PCNX2: variants seen among roughly 807,000 people sequenced by gnomAD.
The protein encoded by PCNX2 is pecanex-like protein 2.
Under a neutral mutation model 223.8 loss-of-function variants are expected in PCNX2, and 168 were observed. That is an observed-to-expected ratio of 0.75 (90% CI 0.66 to 0.85). The LOEUF is 0.85. Among genes scored for constraint, PCNX2 ranks in the 40% least tolerant of loss-of-function variants. PCNX2 has a pLI of 0.00. For synonymous variants in PCNX2, 1,006 were observed against 1,052.6 expected, an observed-to-expected ratio of 0.96 and a Z score of 0.86; for missense variants, 2,507 against 2,675.5, an observed-to-expected ratio of 0.94 and a Z score of 1.39.
intron 12 of PCNX2, among the ~76,000 whole-genome samples, chr1:233,216,865 A>T (rs1008172481): frequency 6.6e-6 from 1 of 152,200 alleles, no homozygotes; most frequent in African/African-American, 2.4e-5. Context: ...TATAATAGGA[A>T]TATCATTCAG....
intron 21 of PCNX2, among the ~76,000 whole-genome samples, chr1:233,101,270 C>T (rs894661587): frequency 2.0e-5 from 3 of 152,202 alleles, no homozygotes; most frequent in Admixed American, 1.3e-4. Context: ...AAGCTAGTGA[C>T]ATCTCAAATG....
rs534529852 is a variant in PCNX2, at chr1:233,004,880, C to T, written c.4953-3199G>A. ...AGCCAGGGGCTGGTCAGGTGGGGTT[C>T]GGGGTGCTGTGGCCTAGAGGAGCCT... On this transcript the variant is annotated intron_variant, in intron 28 of 33. Coordinates refer to ENST00000258229, the MANE Select transcript of PCNX2 (RefSeq NM_014801.4). Among the ~76,000 whole-genome samples, 6 of 152,220 alleles carry T rather than the reference C, an allele frequency of 3.9e-5. No individual in the cohort carries two copies. The South Asian group carries it at 1.0e-3, about 26-fold the overall frequency.
At chr1:233,290,952 G>A (rs1661727245) in intron 1 of PCNX2, 1 of 985,406 alleles carries the variant, frequency 1.0e-6, no homozygotes, top group Non-Finnish European at 1.2e-6. Flanking sequence ...TGAAGGATGT[G>A]AAAGTTCCAA....
chr1:233,269,067 A>G (rs60713296), intron 1 of PCNX2, among the ~76,000 whole-genome samples: 6,881 of 152,314 alleles, frequency 0.045, 520 homozygotes, highest in African/African-American at 0.16. Flanking sequence ...GCAGATATTA[A>G]TATCAGTCAC....
At chr1:232,992,530 G>C (rs2102784095) in intron 32 of PCNX2, among the ~76,000 whole-genome samples, 1 of 152,318 alleles carries the variant, frequency 6.6e-6, no homozygotes, top group Non-Finnish European at 1.5e-5. Flanking sequence ...CCAGGGCTGG[G>C]GACAAGGACA....
In PCNX2 at chr1:233,230,535, G is replaced by A. The variant is rs143032005; in HGVS notation, c.2359-3164C>T. ...GCCTGGCATGCATGAGGGCAGTGCA[G>A]CTGCTTCATTAAATGCCACTGCAGA... On this transcript the variant is annotated intron_variant, in intron 9 of 33. Transcript: ENST00000258229. Among the ~76,000 whole-genome samples the A allele has an allele frequency of 9.5e-3, 1,452 of 152,320 alleles. 19 individuals carry two copies. Among genetic ancestry groups the A allele is most frequent in the Non-Finnish European group, 0.015 (1,005 of 68,028 alleles).
chr1:233,093,142 C>T (rs762834744), intron 22 of PCNX2, among the ~76,000 whole-genome samples: 4 of 152,162 alleles, frequency 2.6e-5, no homozygotes, highest in African/African-American at 4.8e-5. Flanking sequence ...TCATTAGAAG[C>T]GCAGAAGGAT....
intron 25 of PCNX2, among the ~76,000 whole-genome samples, chr1:233,033,825 A>C (rs1299940797): frequency 6.6e-6 from 1 of 152,198 alleles, no homozygotes; most frequent in African/African-American, 2.4e-5. Context: ...CCTTTCAGGA[A>C]ATCTTTGAGA....
chr1:233,252,947 T>C lies in PCNX2; in HGVS notation c.1835-159A>G, dbSNP rs145923926. Among the ~76,000 whole-genome samples, 792 of 152,356 alleles carry C rather than the reference T, an allele frequency of 5.2e-3. 5 individuals are homozygous for C. The highest frequency in any genetic ancestry group is 0.018 in the African/African-American group (745 of 41,576). On this transcript the variant is annotated intron_variant, in intron 5 of 33. Transcript: ENST00000258229. ...AAATAATTTTTCATTTTTTTAATTA[T>C]GGAAGTACCTACATATATGTGAAAA...
In PCNX2 at chr1:233,000,480, A is replaced by G; in HGVS notation, c.5153T>C (p.Ile1718Thr). The change falls in exon 30 of 34, where the codon ATC (isoleucine) becomes ACC (threonine). Residue 1718 changes from isoleucine to threonine, a missense_variant. By Grantham distance (89) the Ile-to-Thr change is moderately conservative. Coordinates refer to ENST00000258229, the MANE Select transcript of PCNX2 (RefSeq NM_014801.4). This position sits in a 1 kb window ranked among gnomAD's most constrained non-coding sequence, Gnocchi z 4.6. Reference sequence around the variant, plus strand: ...GACCACCTTCTTCTCGAAGGACTGGATGGCCTCGTAGAGGACTGCTGGGTC... The same window carrying G: ...GACCACCTTCTTCTCGAAGGACTGGGTGGCCTCGTAGAGGACTGCTGGGTC... ...YEDPAVLYEA[I>T]QSFEKKVVIC... is the part of the protein sequence containing the mutation. 1 of 1,599,694 alleles carries G rather than the reference A, an allele frequency of 6.3e-7. No homozygotes were observed.
At chr1:233,011,285 TAAAG>T (rs1187795693) in intron 28 of PCNX2, among the ~76,000 whole-genome samples, 2 of 152,136 alleles carry the variant, frequency 1.3e-5, no homozygotes, top group Non-Finnish European at 2.9e-5. Flanking sequence ...ATTAATATAT[TAAAG>T]AAGAAGAATA....
In PCNX2 at chr1:233,000,202, CAG is replaced by C; in HGVS notation, c.5328+101_5328+102del. On this transcript the variant is annotated intron_variant, in intron 30 of 33. Coordinates refer to ENST00000258229, the MANE Select transcript of PCNX2 (RefSeq NM_014801.4). The surrounding 1 kb of genome is among the most constrained non-coding windows in gnomAD (Gnocchi z 4.6). ...TCCCTCTGAACAGAGGATGCTGGCA[CAG>C]AGACTCCTGTGTCAGTGCCCCCCTG... is the stretch of plus-strand genomic sequence containing the variant. 1 of 1,151,498 alleles carries C rather than the reference CAG, an allele frequency of 8.7e-7. No individual in the cohort carries two copies. Among genetic ancestry groups the C allele is most frequent in the Non-Finnish European group, 1.3e-6 (1 of 767,374 alleles). The allele number at this position is 1,151,498 out of a possible 1,614,324, so 71.3% of individuals were successfully genotyped here. A position where few individuals can be genotyped will look rare whatever the true frequency, so the allele number is the denominator to read the frequency against.
intron 26 of PCNX2, chr1:233,019,137 TA>T: frequency 1.0e-6 from 1 of 985,386 alleles, no homozygotes; most frequent in South Asian, 4.7e-5. Context: ...TGATTTCCAC[TA>T]AACAACTGCA....
At chr1:233,223,289 T>A (rs1212468509) in intron 10 of PCNX2, among the ~76,000 whole-genome samples, 2 of 152,128 alleles carry the variant, frequency 1.3e-5, no homozygotes, top group Non-Finnish European at 2.9e-5. Flanking sequence ...AAGGGCAGGT[T>A]CAACGGAGTT....
intron 32 of PCNX2, among the ~76,000 whole-genome samples, chr1:232,994,373 G>C (rs967106914): frequency 5.9e-5 from 9 of 152,238 alleles, no homozygotes; most frequent in Admixed American, 4.6e-4. Context: ...TGGGGCCTGT[G>C]GCCCCTTTGT....
At chr1:233,209,531 TA>T (rs1295859920) in intron 12 of PCNX2, among the ~76,000 whole-genome samples, 1 of 152,198 alleles carries the variant, frequency 6.6e-6, no homozygotes, top group Non-Finnish European at 1.5e-5. Flanking sequence ...GCCTTGAGTG[TA>T]AAAAGGAAGG....
intron 25 of PCNX2, among the ~76,000 whole-genome samples, chr1:233,037,347 G>T (rs899751936): frequency 1.3e-5 from 2 of 151,860 alleles, no homozygotes; most frequent in Admixed American, 6.6e-5. Context: ...TTTATGTTTT[G>T]TAGAGACGGG....
At chr1:233,132,284 T>A (rs78931273) in intron 21 of PCNX2, among the ~76,000 whole-genome samples, 3,074 of 152,158 alleles carry the variant, frequency 0.02, 40 homozygotes, top group East Asian at 0.051. Flanking sequence ...CTTGTCAGGT[T>A]CCATCCTCCC....
At chr1:232,993,522 A>G (rs955296710) in intron 32 of PCNX2, among the ~76,000 whole-genome samples, 6 of 152,238 alleles carry the variant, frequency 3.9e-5, no homozygotes, top group Non-Finnish European at 7.3e-5. Flanking sequence ...GAAGCAGAGT[A>G]TAAAGGTTTG....
Sources: allele counts gnomAD v4.1 joint callset (sites outside exome capture counted in the v4.1 genomes callset), GRCh38; gene constraint gnomAD v4.1.1; non-coding constraint Gnocchi (gnomAD v3.1); transcripts MANE v1.5; gene names NCBI Gene and HGNC (gene_info 2026-07-23, HGNC 2026-07-21).